SMARCAL1: variants seen among roughly 807,000 people sequenced by gnomAD.
The protein encoded by SMARCAL1 is ATP-driven annealing helicase.
SMARCAL1 carries 58 observed loss-of-function variants against 94.5 expected under a neutral mutation model. That is an observed-to-expected ratio of 0.61 (90% CI 0.50 to 0.76). The LOEUF is 0.76. Among genes scored for constraint, SMARCAL1 ranks in the 30% least tolerant of loss-of-function variants. SMARCAL1 has a pLI of 0.00. For missense variants in SMARCAL1, 1,051 were observed against 1,177.9 expected (o/e 0.89, Z 1.58); for synonymous variants, 422 against 455.1 (o/e 0.93, Z 0.93).
intron 17 of SMARCAL1, among the ~76,000 whole-genome samples, chr2:216,481,415 C>G (rs756138825): frequency 3.3e-5 from 5 of 152,154 alleles, no homozygotes; most frequent in Non-Finnish European, 5.9e-5. Context: ...AGGCTGGTCT[C>G]TAATTCCTGA....
In SMARCAL1 at chr2:216,428,611, G is replaced by A. The variant is rs1008306850; in HGVS notation, c.1163G>A (p.Cys388Tyr). ...TTCTTTTCAGTTGCAAAGGTGCGCT[G>A]CCTCCCACAAGTTCAGCTGGACCCT... ...EHSKLIAKVR[C>Y]LPQVQLDPLP... Residue 388 changes from cysteine (C) to tyrosine (Y), a missense_variant, in exon 7 of 18, where the codon TGC becomes TAC. Cys to Tyr is a radical substitution (Grantham distance 194, BLOSUM62 -2). Around this residue, in one of 3 missense-constraint regions of SMARCAL1, gnomAD observed 642 missense variants for 754.7 expected, o/e 0.85. Coordinates refer to ENST00000357276, the MANE Select transcript of SMARCAL1 (RefSeq NM_014140.4). 2 of 1,613,724 alleles carry A rather than the reference G, an allele frequency of 1.2e-6. No individual in the cohort carries two copies. The highest frequency in any genetic ancestry group is 1.7e-6 in the Non-Finnish European group (2 of 1,180,036).
At chr2:216,465,941 A>G (rs1011210190) in intron 13 of SMARCAL1, among the ~76,000 whole-genome samples, 1 of 152,192 alleles carries the variant, frequency 6.6e-6, no homozygotes, top group African/African-American at 2.4e-5. Flanking sequence ...AAGACTGCCC[A>G]GTGCTGGCCT....
At chr2:216,435,189 T>G in intron 8 of SMARCAL1, 149 bp from the exon 9 acceptor site, 2 of 754,194 alleles carry the variant, frequency 2.7e-6, no homozygotes, top group East Asian at 2.6e-5. Flanking sequence ...AAAAAGGGAG[T>G]GTCCTGTTAG....
rs748674345 is a variant in SMARCAL1, at chr2:216,435,370, A to G, written c.1518A>G (p.Pro506=). 6.2e-7 allele frequency: 1 copy of G among 1,614,124 alleles called. No individual in the cohort carries two copies. The highest frequency in any genetic ancestry group is 1.1e-5 in the South Asian group (1 of 91,076). The change falls in exon 9 of 18, where the codon CCA becomes CCG. Residue 506 remains proline, a synonymous_variant. Coordinates refer to ENST00000357276, the MANE Select transcript of SMARCAL1 (RefSeq NM_014140.4). ...TTCGGTGGCTGCCATCTCTGAGCCC[A>G]GATTGCATCAACGTCGTGGTGACTG... is the stretch of plus-strand genomic sequence containing the variant. ...AFLRWLPSLS[P]DCINVVVTGK... is the part of the protein sequence containing the mutation.
chr2:216,415,978 A>G (rs1202285834), intron 3 of SMARCAL1: 3 of 441,800 alleles, frequency 6.8e-6, no homozygotes. Flanking sequence ...TGACCACACT[A>G]CGACCTGGAG....
Position 216,414,620 on chromosome 2 carries a change from T to C in SMARCAL1, c.-58-27T>C, listed in dbSNP as rs1050084994. 16 of 1,182,528 alleles carry C rather than the reference T, an allele frequency of 1.4e-5. No individual in the cohort carries two copies. The African/African-American group carries it at 2.4e-4, about 18-fold the overall frequency. 73.3% of individuals were successfully genotyped at this position (1,182,528 alleles called of 1,614,324 possible). ...TGACAATTAATACATGTAATGTTCA[T>C]TTCATTCTTCTTACTTTCTTCCACA... On this transcript the variant is annotated intron_variant, in intron 2 of 17. Coordinates refer to ENST00000357276, the MANE Select transcript of SMARCAL1 (RefSeq NM_014140.4).
chr2:216,461,885 G>A (rs945519356), intron 12 of SMARCAL1, among the ~76,000 whole-genome samples: 2 of 151,522 alleles, frequency 1.3e-5, no homozygotes, highest in African/African-American at 2.4e-5. Flanking sequence ...TTTCTCACAC[G>A]GCTATAATTT....
chr2:216,438,603 A>G, intron 10 of SMARCAL1, 118 bp downstream of exon 10: 1 of 823,006 alleles, frequency 1.2e-6, no homozygotes, highest in Non-Finnish European at 2.0e-6. Flanking sequence ...GGCCATGGTC[A>G]TGACTTGGCA....
chr2:216,475,500 TGG>T lies in SMARCAL1; in HGVS notation c.2427+51_2427+52del, dbSNP rs1695055198. On this transcript the variant is annotated intron_variant, in intron 15 of 17. Coordinates refer to ENST00000357276, the MANE Select transcript of SMARCAL1 (RefSeq NM_014140.4). The surrounding 1 kb of genome is among the most constrained non-coding windows in gnomAD (Gnocchi z 4.4). Reference sequence around the variant, plus strand: ...TACTCCCCAGGCATGCTCATGGCTGTGGGCAGGAAGCAGTGAGTGTCGGTCGG... The same window carrying T: ...TACTCCCCAGGCATGCTCATGGCTGTGCAGGAAGCAGTGAGTGTCGGTCGG... 6.3e-7 allele frequency: 1 copy of T among 1,575,536 alleles called. No individual in the cohort carries two copies.
Position 216,475,080 on chromosome 2 carries a change from T to C in SMARCAL1, c.2245-189T>C, listed in dbSNP as rs1342796361. 6.6e-6 allele frequency among the ~76,000 whole-genome samples: 1 copy of C among 152,246 alleles called. No individual in the cohort carries two copies. Among genetic ancestry groups the C allele is most frequent in the African/African-American group, 2.4e-5 (1 of 41,474 alleles). On this transcript the variant is annotated intron_variant, in intron 14 of 17. Coordinates refer to ENST00000357276, the MANE Select transcript of SMARCAL1 (RefSeq NM_014140.4). The surrounding 1 kb of genome is among the most constrained non-coding windows in gnomAD (Gnocchi z 4.4). Reference sequence around the variant, plus strand: ...AAAGGCCTAAGAGGGATCTCTATTATTTCTTACAATGGCACCTGAGTATAA... The same window carrying C: ...AAAGGCCTAAGAGGGATCTCTATTACTTCTTACAATGGCACCTGAGTATAA...
At chr2:216,416,797 C>G (rs962248340) in intron 4 of SMARCAL1, among the ~76,000 whole-genome samples, 6 of 152,216 alleles carry the variant, frequency 3.9e-5, no homozygotes, top group African/African-American at 1.4e-4. Flanking sequence ...GCAAACAGCA[C>G]AGATCCTCAG....
At chr2:216,480,714 A>T (rs1695176694) in intron 17 of SMARCAL1, among the ~76,000 whole-genome samples, 1 of 152,150 alleles carries the variant, frequency 6.6e-6, no homozygotes, top group South Asian at 2.1e-4. Flanking sequence ...CTACTTCACC[A>T]ATGTGGAGGG....
In SMARCAL1 at chr2:216,414,770, C is replaced by T; in HGVS notation, c.66C>T (p.Ala22=). 1 of 1,614,164 alleles carries T rather than the reference C, an allele frequency of 6.2e-7. No homozygotes were observed. The highest frequency in any genetic ancestry group is 1.3e-5 in the African/African-American group (1 of 75,038). The change falls in exon 3 of 18, where the codon GCC becomes GCT. Residue 22 remains alanine, a synonymous_variant. Transcript: ENST00000357276. ...AAGAGAATCGACAAAAGGCTCTGGC[C>T]CGCAGAGCTGAGAAGTTATTGGCAG... The part of the protein sequence containing the change: ...KIEENRQKAL[A]RRAEKLLAEQ...
chr2:216,441,685 A>G (rs188762569), intron 10 of SMARCAL1, among the ~76,000 whole-genome samples: 105 of 152,300 alleles, frequency 6.9e-4, no homozygotes, highest in Non-Finnish European at 1.4e-3. Flanking sequence ...AATTCCTACA[A>G]TCAGAATTGC....
intron 14 of SMARCAL1, among the ~76,000 whole-genome samples, chr2:216,470,719 C>G (rs1328673459): frequency 1.3e-5 from 2 of 151,416 alleles, no homozygotes; most frequent in Non-Finnish European, 2.9e-5. Context: ...GAACTGGGCT[C>G]AAGCAATTCT....
Position 216,432,870 on chromosome 2 carries a change from T to C in SMARCAL1, c.1485+2T>C. The C allele has an allele frequency of 6.2e-7, 1 of 1,614,150 alleles. No individual in the cohort carries two copies. Among genetic ancestry groups the C allele is most frequent in the Non-Finnish European group, 8.5e-7 (1 of 1,180,036 alleles). On this transcript the variant is annotated splice_donor_variant, in intron 8 of 17. Transcript: ENST00000357276. LOFTEE classifies it high-confidence loss of function. ...TCCGTGCGCTTCACCTGGGAGCAGGTTAATGGTCTTCAAATTGCAGTTTTC... is the reference window on the plus strand; with the variant it reads ...TCCGTGCGCTTCACCTGGGAGCAGGCTAATGGTCTTCAAATTGCAGTTTTC...
At chr2:216,452,066 A>G (rs551626399) in intron 12 of SMARCAL1, among the ~76,000 whole-genome samples, 2 of 152,342 alleles carry the variant, frequency 1.3e-5, no homozygotes, top group African/African-American at 4.8e-5. Flanking sequence ...TGCACTGGCA[A>G]ATTTTCAAGC....
chr2:216,445,054 C>T (rs1694277395), intron 10 of SMARCAL1, among the ~76,000 whole-genome samples: 2 of 152,150 alleles, frequency 1.3e-5, no homozygotes, highest in South Asian at 2.1e-4. Flanking sequence ...GTTCTATCTT[C>T]GATTTCTTGG....
At chr2:216,461,057 TGTG>T (rs1694687125) in intron 12 of SMARCAL1, among the ~76,000 whole-genome samples, 1 of 31,612 alleles carries the variant, frequency 3.2e-5, no homozygotes, top group Admixed American at 3.6e-4. Context: ...TAGAAAGAGG[TGTG>T]TGTGTGTGTG....
Sources: allele counts gnomAD v4.1 joint callset (sites outside exome capture counted in the v4.1 genomes callset), GRCh38; gene constraint gnomAD v4.1.1; regional missense constraint gnomAD v4.1.1; non-coding constraint Gnocchi (gnomAD v3.1); transcripts MANE v1.5; gene names NCBI Gene and HGNC (gene_info 2026-07-23, HGNC 2026-07-21).